Variants in SYT1 observed in about 807,000 individuals in gnomAD.
SYT1 encodes synaptotagmin 1.
In SYT1, 8 loss-of-function variants were observed where a neutral mutation model predicts 44.8. That is an observed-to-expected ratio of 0.18 (90% CI 0.10 to 0.32). The LOEUF (loss-of-function observed/expected upper bound fraction) is 0.32, where lower values mean the gene tolerates loss of function less well. SYT1 is among the 10% of genes least tolerant of loss of function. The probability of loss-of-function intolerance (pLI) is 1.00; values close to 1 mark genes in which losing one functional copy is unlikely to be tolerated. For missense variants in SYT1, 286 were observed against 509.3 expected, an observed-to-expected ratio of 0.56 and a Z score of 4.22; for synonymous variants, 154 against 188.8, an observed-to-expected ratio of 0.82 and a Z score of 1.51.
chr12:79,017,166 G>A (rs1197110279), intron 2 of SYT1, among the ~76,000 whole-genome samples: 2 of 152,162 alleles, frequency 1.3e-5, no homozygotes, highest in African/African-American at 2.4e-5. Context: ...TCTGCTTTAT[G>A]ATAGGTAGAT....
At chr12:79,265,190 A>G (rs764880270) in intron 4 of SYT1, among the ~76,000 whole-genome samples, 1 of 152,154 alleles carries the variant, frequency 6.6e-6, no homozygotes, top group African/African-American at 2.4e-5. Context: ...ATAAATCTAT[A>G]TATTATCACA....
intron 1 of SYT1, among the ~76,000 whole-genome samples, chr12:78,870,791 T>C (rs1455625897): frequency 6.6e-6 from 1 of 152,064 alleles, no homozygotes; most frequent in Middle Eastern, 3.2e-3. Context: ...CCATGCCTAC[T>C]GTGGGTAGGA....
At chr12:79,374,706 G>C (rs1349925910) in intron 9 of SYT1, among the ~76,000 whole-genome samples, 2 of 152,192 alleles carry the variant, frequency 1.3e-5, no homozygotes, top group Non-Finnish European at 2.9e-5. Context: ...GAACTACCCT[G>C]TGGACAAAAG....
intron 8 of SYT1, among the ~76,000 whole-genome samples, chr12:79,324,109 C>G (rs1018106434): frequency 6.6e-6 from 1 of 151,844 alleles, no homozygotes; most frequent in African/African-American, 2.4e-5. Context: ...CGCCACCACT[C>G]CTGGCTAATT....
intron 2 of SYT1, among the ~76,000 whole-genome samples, chr12:79,040,822 A>C (rs1398124313): frequency 2.0e-5 from 3 of 149,432 alleles, no homozygotes; most frequent in African/African-American, 7.5e-5. Flanking sequence ...GAAGGGATCC[A>C]GTTTCAGCTT....
At chr12:78,912,982 A>T (rs1443062517) in intron 1 of SYT1, among the ~76,000 whole-genome samples, 3 of 151,924 alleles carry the variant, frequency 2.0e-5, no homozygotes, top group Admixed American at 2.0e-4. Flanking sequence ...TCTAATTATA[A>T]GTAAAGTTAT....
intron 4 of SYT1, among the ~76,000 whole-genome samples, chr12:79,254,721 T>C (rs1877420344): frequency 1.3e-5 from 2 of 152,208 alleles, no homozygotes; most frequent in Admixed American, 6.5e-5. Context: ...GAGGTCAAAA[T>C]ATCAACATTA....
chr12:79,044,890 T>G (rs1032123068), intron 2 of SYT1, among the ~76,000 whole-genome samples: 2 of 152,150 alleles, frequency 1.3e-5, no homozygotes, highest in Non-Finnish European at 2.9e-5. Context: ...CGCTGCCGTG[T>G]GAGGTGTCAG....
At chr12:79,049,874 C>T (rs562576088) in intron 3 of SYT1, among the ~76,000 whole-genome samples, 27 of 152,022 alleles carry the variant, frequency 1.8e-4, no homozygotes, top group Admixed American at 5.9e-4. Flanking sequence ...TTGCTAAAGA[C>T]GCTTAGAGCA....
intron 9 of SYT1, among the ~76,000 whole-genome samples, chr12:79,376,585 T>G (rs1228718664): frequency 1.3e-5 from 2 of 152,210 alleles, no homozygotes; most frequent in African/African-American, 4.8e-5. Flanking sequence ...TCCTGTTACT[T>G]AGAATGCCTT....
chr12:79,388,479 G>A (rs1884526561), intron 9 of SYT1, among the ~76,000 whole-genome samples: 1 of 152,052 alleles, frequency 6.6e-6, no homozygotes, highest in South Asian at 2.1e-4. Context: ...TGGACAACCT[G>A]AGTCCAGGAG....
At chr12:79,159,605 G>C (rs540469016) in intron 3 of SYT1, among the ~76,000 whole-genome samples, 2 of 152,010 alleles carry the variant, frequency 1.3e-5, no homozygotes, top group Admixed American at 1.3e-4. Context: ...TTTATCATAG[G>C]TATGTATATG....
intron 1 of SYT1, among the ~76,000 whole-genome samples, chr12:78,884,466 A>G (rs1166496914): frequency 8.8e-6 from 1 of 113,216 alleles, no homozygotes; most frequent in Non-Finnish European, 2.1e-5. Context: ...CATAAGGTGT[A>G]CTAAAGGATT....
intron 1 of SYT1, among the ~76,000 whole-genome samples, chr12:78,877,140 G>A (rs925029722): frequency 4.7e-5 from 7 of 150,496 alleles, no homozygotes; most frequent in African/African-American, 7.3e-5. Flanking sequence ...CCGAGACTGG[G>A]CAACTTATAA....
intron 1 of SYT1, among the ~76,000 whole-genome samples, chr12:78,916,017 G>A (rs1422345213): frequency 6.6e-6 from 1 of 151,938 alleles, no homozygotes; most frequent in Non-Finnish European, 1.5e-5. Flanking sequence ...ACTTTAATCG[G>A]ATGTTTTTGT....
intron 1 of SYT1, among the ~76,000 whole-genome samples, chr12:78,967,919 C>CAAAG (rs1868285763): frequency 6.6e-6 from 1 of 152,010 alleles, no homozygotes; most frequent in South Asian, 2.1e-4. Context: ...AATTTTGAAA[C>CAAAG]AAAGAGTGAA....
intron 3 of SYT1, among the ~76,000 whole-genome samples, chr12:79,088,789 T>C (rs112193734): frequency 9.8e-4 from 148 of 150,878 alleles, no homozygotes; most frequent in African/African-American, 3.4e-3. Context: ...TATGTGTGTG[T>C]GTGTGAGGGG....
chr12:79,265,479 TACTA>T (rs1230429937), intron 4 of SYT1, among the ~76,000 whole-genome samples: 1 of 152,152 alleles, frequency 6.6e-6, no homozygotes, highest in Non-Finnish European at 1.5e-5. Flanking sequence ...GATAGTACTA[TACTA>T]ACTGATACGT....
At chr12:79,347,137 A>G (rs1426778386) in intron 8 of SYT1, among the ~76,000 whole-genome samples, 1 of 151,950 alleles carries the variant, frequency 6.6e-6, no homozygotes, top group Non-Finnish European at 1.5e-5. Context: ...GGATTTTCCA[A>G]CTAAGCAAAA....
Sources: allele counts gnomAD v4.1 joint callset (sites outside exome capture counted in the v4.1 genomes callset), GRCh38; gene constraint gnomAD v4.1.1; transcripts MANE v1.5; gene names NCBI Gene and HGNC (gene_info 2026-07-23, HGNC 2026-07-21).